The following ADARB2 variants were observed in gnomAD, a reference collection of about 807,000 sequenced individuals.
ADARB2 encodes the protein adenosine deaminase RNA specific B2 (inactive), also known as inactive double-stranded RNA-specific editase B2.
ADARB2 carries 25 observed loss-of-function variants against 62.2 expected under a neutral mutation model. The observed-to-expected ratio is 0.40, with a 90% CI of 0.29 to 0.56. The LOEUF is 0.56. Ranked by LOEUF, ADARB2 falls within the 20% of genes least tolerant of loss-of-function variation. The probability of loss-of-function intolerance (pLI) is 0.43; values close to 1 mark genes in which losing one functional copy is unlikely to be tolerated. For missense variants in ADARB2, 1,071 were observed against 1,077.4 expected (o/e 0.99, Z 0.08); for synonymous variants, 572 against 500.8 (o/e 1.14, Z -1.90).
chr10:1,684,929 G>C (rs7094621), intron 1 of ADARB2, among the ~76,000 whole-genome samples: 95,036 of 151,908 alleles, frequency 0.63, 29,848 homozygotes, highest in Middle Eastern at 0.73. Context: ...CAAGTTCCGA[G>C]TGGGGGCCTC....
chr10:1,366,965 G>C (rs1363330851), intron 2 of ADARB2, among the ~76,000 whole-genome samples: 1 of 152,238 alleles, frequency 6.6e-6, no homozygotes, highest in Non-Finnish European at 1.5e-5. Flanking sequence ...GTTGAGTGCG[G>C]CTGGATGTTG....
intron 8 of ADARB2, chr10:1,199,637 G>T: frequency 3.8e-6 from 1 of 261,324 alleles, no homozygotes; most frequent in East Asian, 6.4e-5. Context: ...GGGCAGGTGG[G>T]CAGGTGGGCG....
At chr10:1,200,424 G>A in intron 7 of ADARB2, 1 of 490,474 alleles carries the variant, frequency 2.0e-6, no homozygotes, top group Middle Eastern at 2.8e-4. Context: ...TATGTTCTCT[G>A]TGGGACTTAG....
chr10:1,543,571 G>T (rs755665613), intron 1 of ADARB2, among the ~76,000 whole-genome samples: 2 of 152,190 alleles, frequency 1.3e-5, no homozygotes, highest in Non-Finnish European at 2.9e-5. Context: ...AGCTATTGGC[G>T]TCTCCCACAC....
chr10:1,374,700 G>A (rs913465311), intron 2 of ADARB2, among the ~76,000 whole-genome samples: 1 of 152,200 alleles, frequency 6.6e-6, no homozygotes, highest in African/African-American at 2.4e-5. Context: ...CTGCTGGGCC[G>A]TTTGCACGCC....
At chr10:1,408,675 T>C (rs2131877259) in intron 1 of ADARB2, among the ~76,000 whole-genome samples, 1 of 152,268 alleles carries the variant, frequency 6.6e-6, no homozygotes, top group East Asian at 1.9e-4. Context: ...CCTGTCCTTG[T>C]TGGTAACCAG....
rs1831642903 is a variant in ADARB2, at chr10:1,307,702, T to C, written c.1078-36633A>G. 2.2e-5 allele frequency among the ~76,000 whole-genome samples: 2 copies of C among 90,912 alleles called. 1 individual carries two copies. Among genetic ancestry groups the C allele is most frequent in the Non-Finnish European group, 4.4e-5 (2 of 45,090 alleles). 59.6% of individuals were successfully genotyped at this position (90,912 alleles called of 152,430 possible). A position where few individuals can be genotyped will look rare whatever the true frequency, so the allele number is the denominator to read the frequency against. ...ACCCAAATGTCCAATAATGATAGAC[T>C]GGATTAAGAAAATGTGGCACATATA... On this transcript the variant is annotated intron_variant, in intron 3 of 9. Coordinates refer to ENST00000381312, the MANE Select transcript of ADARB2 (RefSeq NM_018702.4).
At chr10:1,421,912 C>T (rs920921024) in intron 1 of ADARB2, among the ~76,000 whole-genome samples, 1 of 152,208 alleles carries the variant, frequency 6.6e-6, no homozygotes, top group African/African-American at 2.4e-5. Context: ...GCTATGTACC[C>T]ATTGCATGTG....
intron 1 of ADARB2, among the ~76,000 whole-genome samples, chr10:1,412,829 T>C (rs1305087295): frequency 6.6e-6 from 1 of 152,230 alleles, no homozygotes; most frequent in South Asian, 2.1e-4. Context: ...ACTATAAAAA[T>C]AGCAGCTACC....
intron 6 of ADARB2, among the ~76,000 whole-genome samples, chr10:1,221,171 G>A (rs1420049795): frequency 6.6e-6 from 1 of 152,198 alleles, no homozygotes. Context: ...ATGATCTGTA[G>A]TGGATTTAGA....
At chr10:1,245,045 G>A (rs1264587798) in intron 4 of ADARB2, among the ~76,000 whole-genome samples, 2 of 152,212 alleles carry the variant, frequency 1.3e-5, no homozygotes, top group East Asian at 3.9e-4. Context: ...CGGAAGGACA[G>A]CAGTACTGTT....
At chr10:1,548,605 A>T (rs1447417005) in intron 1 of ADARB2, among the ~76,000 whole-genome samples, 1 of 152,232 alleles carries the variant, frequency 6.6e-6, no homozygotes, top group African/African-American at 2.4e-5. Flanking sequence ...AGAGGGTCAG[A>T]TTTGGCAAAT....
In ADARB2 at chr10:1,257,098, C is replaced by T. The variant is rs150511922; in HGVS notation, c.1192+13857G>A. Among the ~76,000 whole-genome samples, 12 of 152,336 alleles carry T rather than the reference C, an allele frequency of 7.9e-5. No homozygotes were observed. The East Asian group carries it at 1.7e-3, about 22-fold the overall frequency. On this transcript the variant is annotated intron_variant, in intron 4 of 9. Transcript: ENST00000381312. Reference sequence around the variant, plus strand: ...GATCATATTTGAATCAGCTCAGAGGCGAGCTGTGTTCAGGCCCTGTGAGCT... The same window carrying T: ...GATCATATTTGAATCAGCTCAGAGGTGAGCTGTGTTCAGGCCCTGTGAGCT...
At chr10:1,570,590 ACAT>A (rs1464692147) in intron 1 of ADARB2, among the ~76,000 whole-genome samples, 2 of 152,224 alleles carry the variant, frequency 1.3e-5, no homozygotes, top group African/African-American at 4.8e-5. Flanking sequence ...TGGCAGTCTT[ACAT>A]CATTTCTCTC....
At chr10:1,211,535 G>A (rs1177373755) in intron 7 of ADARB2, among the ~76,000 whole-genome samples, 1 of 152,206 alleles carries the variant, frequency 6.6e-6, no homozygotes, top group African/African-American at 2.4e-5. Context: ...TAAGGAGGGT[G>A]AGGGCCTCCC....
At chr10:1,481,645 T>G (rs1833014597) in intron 1 of ADARB2, among the ~76,000 whole-genome samples, 1 of 149,422 alleles carries the variant, frequency 6.7e-6, no homozygotes, top group Non-Finnish European at 1.5e-5. Flanking sequence ...GATCACGAGG[T>G]CAGGAGTTCA....
At chr10:1,311,864 C>T (rs758161544) in intron 3 of ADARB2, among the ~76,000 whole-genome samples, 9 of 152,116 alleles carry the variant, frequency 5.9e-5, no homozygotes, top group African/African-American at 9.7e-5. Context: ...TTAAGCCTCC[C>T]GGAGAATGTG....
intron 8 of ADARB2, among the ~76,000 whole-genome samples, chr10:1,195,869 G>A (rs891869777): frequency 3.3e-5 from 5 of 152,134 alleles, no homozygotes; most frequent in African/African-American, 1.2e-4. Flanking sequence ...TGCTTTTCCC[G>A]TTAGCCCTGT....
intron 4 of ADARB2, among the ~76,000 whole-genome samples, chr10:1,258,517 A>AGTCT (rs1310988461): frequency 6.6e-6 from 1 of 152,238 alleles, no homozygotes; most frequent in Non-Finnish European, 1.5e-5. Flanking sequence ...CTAATAAAAC[A>AGTCT]GTCTTTAAAC....
Sources: allele counts gnomAD v4.1 joint callset (sites outside exome capture counted in the v4.1 genomes callset), GRCh38; gene constraint gnomAD v4.1.1; transcripts MANE v1.5; gene names NCBI Gene and HGNC (gene_info 2026-07-23, HGNC 2026-07-21).